PIP: variants seen among roughly 807,000 people sequenced by gnomAD.
PIP encodes prolactin-inducible protein.
A neutral mutation model predicts 12.8 loss-of-function variants in PIP; 9 were observed. That is an observed-to-expected ratio of 0.70 (90% CI 0.42 to 1.23). The LOEUF (loss-of-function observed/expected upper bound fraction) is 1.23, where lower values mean the gene tolerates loss of function less well. PIP is among the 50% of genes most tolerant of loss of function. The probability of loss-of-function intolerance (pLI) is 0.00; values close to 1 mark genes in which losing one functional copy is unlikely to be tolerated. For synonymous variants in PIP, 60 were observed against 66.1 expected (o/e 0.91, Z 0.45); for missense variants, 172 against 179.5 (o/e 0.96, Z 0.24).
chr7:143,135,905 A>G (rs1586368481), intron 2 of PIP, among the ~76,000 whole-genome samples: 1 of 151,980 alleles, frequency 6.6e-6, no homozygotes, highest in Admixed American at 6.6e-5. Flanking sequence ...AGAGGTTTTC[A>G]AATGGTAATG....
In PIP at chr7:143,134,137, A is replaced by T. The variant is rs1231686168; in HGVS notation, c.96-1057A>T. Among the ~76,000 whole-genome samples the T allele has an allele frequency of 2.9e-5, 4 of 139,380 alleles. 1 individual carries two copies. The highest frequency in any genetic ancestry group is 6.1e-5 in the Non-Finnish European group (4 of 65,080). 91.4% of individuals were successfully genotyped at this position (139,380 alleles called of 152,430 possible). A position where few individuals can be genotyped will look rare whatever the true frequency, so the allele number is the denominator to read the frequency against. The stretch of plus-strand genomic sequence containing the variant: ...TCCAATCTCATACAGGTCACTGCAA[A>T]TGCTGTTAATTCATTCCTTATTATG... On this transcript the variant is annotated intron_variant, in intron 1 of 3. Coordinates refer to ENST00000291009, the MANE Select transcript of PIP (RefSeq NM_002652.3).
chr7:143,135,991 T>C (rs1366513574), intron 2 of PIP, among the ~76,000 whole-genome samples: 2 of 152,110 alleles, frequency 1.3e-5, no homozygotes, highest in Non-Finnish European at 2.9e-5. Flanking sequence ...TTAGAACTTC[T>C]GGATTTTAAC....
chr7:143,135,547 G>C (rs934627987), intron 2 of PIP, among the ~76,000 whole-genome samples: 8 of 152,044 alleles, frequency 5.3e-5, no homozygotes, highest in African/African-American at 1.9e-4. Context: ...AATAGGAAGT[G>C]AGAAAGAGGG....
intron 1 of PIP, among the ~76,000 whole-genome samples, chr7:143,133,584 T>G (rs1799266729): frequency 6.6e-6 from 1 of 152,040 alleles, no homozygotes; most frequent in African/African-American, 2.4e-5. Flanking sequence ...AAGAAGAACA[T>G]TTGACCATTT....
At chr7:143,135,050 G>T in intron 1 of PIP, 144 bp from the exon 2 acceptor site, 1 of 493,048 alleles carries the variant, frequency 2.0e-6, no homozygotes, top group Non-Finnish European at 3.7e-6. Flanking sequence ...AAATTCCAGG[G>T]GATTCCAATG....
intron 2 of PIP, among the ~76,000 whole-genome samples, chr7:143,137,160 G>A (rs1799317817): frequency 6.6e-6 from 1 of 151,920 alleles, no homozygotes; most frequent in Non-Finnish European, 1.5e-5. Context: ...CTTTAAAGCT[G>A]AAGGAAACTT....
Position 143,132,212 on chromosome 7 carries a change from G to A in PIP, c.95+1G>A, listed in dbSNP as rs781666820. 1.1e-5 allele frequency: 17 copies of A among 1,613,240 alleles called. No homozygotes were observed. Among genetic ancestry groups the A allele is most frequent in the South Asian group, 2.2e-5 (2 of 91,082 alleles). On this transcript the variant is annotated splice_donor_variant, in intron 1 of 3. Transcript: ENST00000291009. LOFTEE classifies it high-confidence loss of function. ...GGGCCAACAAAGCTCAGGACAACACGTGAGCCATGCCCTTCTCCTCCCCAC... is the reference window on the plus strand; with the variant it reads ...GGGCCAACAAAGCTCAGGACAACACATGAGCCATGCCCTTCTCCTCCCCAC...
intron 1 of PIP, among the ~76,000 whole-genome samples, chr7:143,134,976 G>A (rs1799291051): frequency 6.6e-6 from 1 of 152,052 alleles, no homozygotes; most frequent in Non-Finnish European, 1.5e-5. Context: ...ATCTTAAAGT[G>A]TCCTAGTTGT....
At chr7:143,133,932 A>T (rs1226311121) in intron 1 of PIP, among the ~76,000 whole-genome samples, 1 of 151,416 alleles carries the variant, frequency 6.6e-6, no homozygotes, top group Non-Finnish European at 1.5e-5. Context: ...AGCAGTATAC[A>T]CTGCACCATA....
At chr7:143,134,226 ATATATATACC>A (rs1563015864) in intron 1 of PIP, among the ~76,000 whole-genome samples, 6 of 99,206 alleles carry the variant, frequency 6.0e-5, no homozygotes, top group African/African-American at 1.6e-4. Flanking sequence ...ATATATATAT[ATATATATACC>A]ACAGTTTCTT....
chr7:143,134,767 G>A (rs537033551), intron 1 of PIP, among the ~76,000 whole-genome samples: 1 of 151,728 alleles, frequency 6.6e-6, no homozygotes, highest in South Asian at 2.1e-4. Context: ...ACTTGTTTTT[G>A]GTCAATGGAA....
At chr7:143,134,550 C>T (rs1172208985) in intron 1 of PIP, among the ~76,000 whole-genome samples, 1 of 151,730 alleles carries the variant, frequency 6.6e-6, no homozygotes, top group African/African-American at 2.4e-5. Context: ...TGATTACGGC[C>T]ATTCTTGCAG....
At chr7:143,136,908 T>G (rs1453486343) in intron 2 of PIP, among the ~76,000 whole-genome samples, 1 of 151,902 alleles carries the variant, frequency 6.6e-6, no homozygotes, top group Non-Finnish European at 1.5e-5. Context: ...TTTTGTTAAT[T>G]CTAGTCAACA....
chr7:143,132,079 C>CACTTCTCTGGGACACA lies in PIP; in HGVS notation c.-37_-22dup. On this transcript the variant is annotated 5_prime_UTR_variant, in exon 1 of 4. Transcript: ENST00000291009. ...GAAATGTGCTGGGCACCTGGGACAC[C>CACTTCTCTGGGACACA]ACTTCTCTGGGACACATTGCCTTCT... 1 of 1,611,368 alleles carries CACTTCTCTGGGACACA rather than the reference C, an allele frequency of 6.2e-7. No individual in the cohort carries two copies. Among genetic ancestry groups the CACTTCTCTGGGACACA allele is most frequent in the Non-Finnish European group, 8.5e-7 (1 of 1,178,398 alleles).
In PIP at chr7:143,136,909, C is replaced by T. The variant is rs1799315594; in HGVS notation, c.201+1610C>T. On this transcript the variant is annotated intron_variant, in intron 2 of 3. Coordinates refer to ENST00000291009, the MANE Select transcript of PIP (RefSeq NM_002652.3). ...TACAGGAAAGGAAATTTTGTTAATTCTAGTCAACAAATTTTTATTTGTGGC... is the reference window on the plus strand; with the variant it reads ...TACAGGAAAGGAAATTTTGTTAATTTTAGTCAACAAATTTTTATTTGTGGC... 2.6e-5 allele frequency among the ~76,000 whole-genome samples: 4 copies of T among 151,748 alleles called. No individual in the cohort carries two copies. The South Asian group carries it at 8.3e-4, about 31-fold the overall frequency.
chr7:143,138,246 G>A (rs1799331399), intron 2 of PIP, among the ~76,000 whole-genome samples: 1 of 152,046 alleles, frequency 6.6e-6, no homozygotes, highest in African/African-American at 2.4e-5. Flanking sequence ...ATGGCACTGT[G>A]GTTCCTTGAT....
intron 2 of PIP, among the ~76,000 whole-genome samples, chr7:143,136,401 T>C (rs1012317080): frequency 6.6e-6 from 1 of 152,144 alleles, no homozygotes. Flanking sequence ...TGAAGATTGC[T>C]ATTCAGTCAA....
At chr7:143,139,314 G>A in intron 3 of PIP, 125 bp downstream of exon 3, 3 of 825,640 alleles carry the variant, frequency 3.6e-6, no homozygotes, top group Non-Finnish European at 6.2e-6. Context: ...CAGAAGGGAG[G>A]GAGGGAAGAG....
chr7:143,132,921 T>C (rs966827057), intron 1 of PIP, among the ~76,000 whole-genome samples: 13 of 151,938 alleles, frequency 8.6e-5, no homozygotes, highest in Non-Finnish European at 1.8e-4. Flanking sequence ...GCAGTAGGGT[T>C]TATAATGCTG....
Sources: gnomAD v4.1 joint callset for allele counts (sites outside exome capture counted in the v4.1 genomes callset) on GRCh38, gnomAD v4.1.1 for gene constraint, MANE v1.5 for transcripts, NCBI Gene and HGNC (gene_info 2026-07-23, HGNC 2026-07-21) for gene names.